GALNS: variants seen among roughly 807,000 people sequenced by gnomAD.
GALNS encodes galactosamine (N-acetyl)-6-sulfatase.
In GALNS, 65 loss-of-function variants were observed where a neutral mutation model predicts 65.9. The ratio of observed to expected loss-of-function variants is 0.99; its 90% CI spans 0.81 to 1.21. The LOEUF (loss-of-function observed/expected upper bound fraction) is 1.21. GALNS is among the 50% of genes most tolerant of loss of function. GALNS has a pLI of 0.00. For synonymous variants in GALNS, 346 were observed against 288.9 expected (o/e 1.20, Z -2.00); for missense variants, 776 against 700.7 (o/e 1.11, Z -1.21).
intron 10 of GALNS, among the ~76,000 whole-genome samples, chr16:88,825,633 C>T (rs773824825): frequency 1.3e-5 from 2 of 151,724 alleles, no homozygotes; most frequent in Non-Finnish European, 1.5e-5. Flanking sequence ...GGCTAGGGTG[C>T]CTGGGCGTCC....
intron 1 of GALNS, among the ~76,000 whole-genome samples, chr16:88,853,693 G>C (rs1967616962): frequency 1.3e-5 from 2 of 152,210 alleles, no homozygotes; most frequent in African/African-American, 4.8e-5. Context: ...GCCCTGGAGA[G>C]CAGAGTGGGC....
intron 12 of GALNS, among the ~76,000 whole-genome samples, chr16:88,818,511 A>G (rs989266987): frequency 1.3e-5 from 2 of 152,124 alleles, no homozygotes; most frequent in Non-Finnish European, 2.9e-5. Context: ...CCCTTCTTTC[A>G]TTACAAAAGC....
chr16:88,833,157 C>T (rs1597562538), intron 8 of GALNS, among the ~76,000 whole-genome samples: 1 of 152,134 alleles, frequency 6.6e-6, no homozygotes. Flanking sequence ...AAAGTCACCG[C>T]AGCTCCTTCC....
intron 13 of GALNS, chr16:88,815,117 G>A: frequency 2.0e-6 from 2 of 985,478 alleles, no homozygotes; most frequent in South Asian, 4.7e-5. Flanking sequence ...CTCGGTCCAG[G>A]TGGGCAGCTA....
intron 9 of GALNS, among the ~76,000 whole-genome samples, chr16:88,829,869 G>A (rs1264794652): frequency 6.6e-6 from 1 of 152,220 alleles, no homozygotes; most frequent in Non-Finnish European, 1.5e-5. Context: ...GCTCATCAGC[G>A]AGGCTCGAAA....
chr16:88,840,468 G>A (rs148239923), intron 4 of GALNS: 3 of 190,842 alleles, frequency 1.6e-5, no homozygotes, highest in South Asian at 9.0e-5. Context: ...CATCCTGTGC[G>A]CCTAAAACCG....
At chr16:88,842,001 G>T in intron 2 of GALNS, 30 bp from the exon 3 acceptor site, 7 of 1,593,410 alleles carry the variant, frequency 4.4e-6, no homozygotes, top group Non-Finnish European at 6.0e-6. Context: ...ACAGAAACTG[G>T]ATAAGAAGGG....
At chr16:88,816,945 A>G in intron 13 of GALNS, 6 of 985,244 alleles carry the variant, frequency 6.1e-6, no homozygotes, top group Non-Finnish European at 7.2e-6. Flanking sequence ...AGGGGCCTCG[A>G]GGCTGGGCTC....
intron 10 of GALNS, 61 bp from the exon 11 acceptor site, chr16:88,824,930 G>A (rs1910650988): frequency 1.5e-6 from 2 of 1,368,882 alleles, no homozygotes; most frequent in Non-Finnish European, 2.1e-6. Context: ...GCCACCTGGA[G>A]GCTCTGGGCT....
chr16:88,827,596 G>A (rs958517190), intron 9 of GALNS, among the ~76,000 whole-genome samples: 2 of 152,182 alleles, frequency 1.3e-5, no homozygotes, highest in Non-Finnish European at 2.9e-5. Context: ...ACAGGTATGT[G>A]TCACTACGCC....
intron 1 of GALNS, among the ~76,000 whole-genome samples, chr16:88,847,503 G>A (rs963602776): frequency 2.6e-5 from 4 of 152,222 alleles, no homozygotes; most frequent in African/African-American, 9.7e-5. Context: ...GGACCTTGAG[G>A]AGGGCTGTGC....
intron 1 of GALNS, among the ~76,000 whole-genome samples, chr16:88,849,103 T>C (rs1268999498): frequency 6.6e-6 from 1 of 152,180 alleles, no homozygotes; most frequent in African/African-American, 2.4e-5. Context: ...CTTTTAGCTT[T>C]GGATCCCTTT....
At chr16:88,842,291 T>C (rs1406352600) in intron 2 of GALNS, 1 of 527,444 alleles carries the variant, frequency 1.9e-6, no homozygotes, top group Non-Finnish European at 3.4e-6. Context: ...ACCAGCCCCG[T>C]GCCCTGCCTT....
rs373251766 is a variant in GALNS, at chr16:88,847,295, C to T, written c.121-4466G>A. On this transcript the variant is annotated intron_variant, in intron 1 of 13. Transcript: ENST00000268695. ...CTGAGGCAGGAGAATCCCCTGAGCT[C>T]AGGAGGCAGAGGCTGCAGTGAGCTG... Among the ~76,000 whole-genome samples the T allele has an allele frequency of 9.9e-5, 15 of 152,274 alleles. No homozygotes were observed. In the South Asian group the frequency reaches 3.1e-3, roughly 32 times the overall value.
At chr16:88,833,804 C>T (rs1200310490) in intron 8 of GALNS, among the ~76,000 whole-genome samples, 1 of 152,238 alleles carries the variant, frequency 6.6e-6, no homozygotes, top group African/African-American at 2.4e-5. Flanking sequence ...GTGCTGGGTG[C>T]TGGGTGTGTG....
chr16:88,848,964 T>C (rs530134083), intron 1 of GALNS, among the ~76,000 whole-genome samples: 34 of 152,352 alleles, frequency 2.2e-4, no homozygotes, highest in South Asian at 1.0e-3. Flanking sequence ...CCTGTAAGGC[T>C]CAGCTTGGCA....
At position 88,853,605 on chromosome 16, in the gene GALNS, C is replaced by T. The variant is rs548336021; in HGVS notation, c.120+3153G>A. On this transcript the variant is annotated intron_variant, in intron 1 of 13. Transcript: ENST00000268695. ...AGGAGTGGAGACACAGAGTGCTGCT[C>T]GCCCTGGGAGGCAGGAGCTGTGTGT... Among the ~76,000 whole-genome samples, 23 of 152,312 alleles carry T rather than the reference C, an allele frequency of 1.5e-4. No individual in the cohort carries two copies. In the East Asian group the frequency reaches 2.7e-3, roughly 18 times the overall value.
intron 13 of GALNS, chr16:88,816,840 A>T (rs1399758731): frequency 1.0e-6 from 1 of 985,330 alleles, no homozygotes; most frequent in Non-Finnish European, 1.2e-6. Context: ...TGAAGTCTGC[A>T]GCTGCCGAGG....
chr16:88,830,795 G>A (rs945381119), intron 9 of GALNS, among the ~76,000 whole-genome samples: 1 of 152,176 alleles, frequency 6.6e-6, no homozygotes, highest in African/African-American at 2.4e-5. Flanking sequence ...CACCCCATGC[G>A]GCAGACAGAC....
Sources: gnomAD v4.1 joint callset for allele counts (sites outside exome capture counted in the v4.1 genomes callset) on GRCh38, gnomAD v4.1.1 for gene constraint, MANE v1.5 for transcripts, NCBI Gene and HGNC (gene_info 2026-07-23, HGNC 2026-07-21) for gene names.